Variants in PTPRT observed in about 807,000 individuals in gnomAD.
PTPRT encodes protein tyrosine phosphatase receptor type T.
A neutral mutation model predicts 176.8 loss-of-function variants in PTPRT; 56 were observed. That is an observed-to-expected ratio of 0.32 (90% confidence interval 0.26 to 0.40). PTPRT has a LOEUF of 0.40. PTPRT is among the 10% of genes least tolerant of loss of function. The pLI, the probability that PTPRT is intolerant of heterozygous loss-of-function variation, is 1.00. For missense variants in PTPRT, 1,540 were observed against 1,908.2 expected (o/e 0.81, Z 3.60); for synonymous variants, 783 against 739.0 (o/e 1.06, Z -0.96).
At chr20:42,352,592 G>T (rs2213629) in intron 9 of PTPRT, among the ~76,000 whole-genome samples, 1 of 152,146 alleles carries the variant, frequency 6.6e-6, no homozygotes, top group African/African-American at 2.4e-5. Context: ...GGGCAGTACC[G>T]GGTGGGGGGA....
chr20:42,109,338 G>GA (rs941055447), intron 23 of PTPRT, among the ~76,000 whole-genome samples: 1 of 152,126 alleles, frequency 6.6e-6, no homozygotes, highest in African/African-American at 2.4e-5. Flanking sequence ...GAAGGAGGGG[G>GA]ATGCCAGCTG....
At chr20:42,684,698 C>G (rs2425520) in intron 6 of PTPRT, among the ~76,000 whole-genome samples, 59,635 of 151,960 alleles carry the variant, frequency 0.39, 13,589 homozygotes, top group African/African-American at 0.64. Flanking sequence ...GATGAGACTT[C>G]AGCTTAAGTA....
In PTPRT at chr20:42,104,570, T is replaced by A. The variant is rs1447196342; in HGVS notation, c.3539A>T (p.Gln1180Leu). 3 of 1,612,308 alleles carry A rather than the reference T, an allele frequency of 1.9e-6. No homozygotes were observed. Among genetic ancestry groups the A allele is most frequent in the African/African-American group, 2.7e-5 (2 of 75,016 alleles). Residue 1180 changes from glutamine (Q) to leucine (L), a missense_variant and splice_region_variant, in exon 25 of 31, where the codon CAG (glutamine) becomes CTG (leucine). Coordinates refer to ENST00000373187, the MANE Select transcript of PTPRT (RefSeq NM_007050.6). Reference protein sequence around the residue: ...TNSSQIKDEFQTLNIVTPRVR... With the variant: ...TNSSQIKDEFLTLNIVTPRVR... ...ACCGAGCCTGGGATTTGCTCATACC[T>A]GAAATTCATCTTTGATTTGGCTGGA...
In PTPRT at chr20:42,161,536, C is replaced by T. The variant is rs1393395259; in HGVS notation, c.2498G>A (p.Gly833Asp). 2 of 1,604,678 alleles carry T rather than the reference C, an allele frequency of 1.2e-6. No homozygotes were observed. The highest frequency in any genetic ancestry group is 1.1e-5 in the South Asian group (1 of 89,084). ...GGGCTGGGAAAGCTCCCCGCGGCTG[C>T]CATCTGCTTCGAAAAGAAGGAGGCA... The part of the protein sequence containing the change: ...SSQDVNGFTD[G>D]SRGELSQPTL... Residue 833 changes from glycine (G) to aspartate (D), a missense_variant, in exon 17 of 31, where the codon GGC (glycine) becomes GAC (aspartate). Physicochemically the swap from Gly to Asp is moderately conservative, Grantham distance 94 (BLOSUM62 -1). Around this residue, in one of 11 missense-constraint regions of PTPRT, gnomAD observed 255 missense variants for 250.1 expected, o/e 1.02. Coordinates refer to ENST00000373187, the MANE Select transcript of PTPRT (RefSeq NM_007050.6).
intron 12 of PTPRT, among the ~76,000 whole-genome samples, chr20:42,312,820 T>C (rs1375742997): frequency 6.6e-6 from 1 of 150,566 alleles, no homozygotes; most frequent in Admixed American, 6.6e-5. Flanking sequence ...TTTTTTTTTT[T>C]TTTTCCTCTA....
chr20:42,206,750 G>C (rs2055477790), intron 15 of PTPRT, among the ~76,000 whole-genome samples: 1 of 152,276 alleles, frequency 6.6e-6, no homozygotes, highest in Admixed American at 6.5e-5. Flanking sequence ...AAACAAAGCA[G>C]CCCGGAAGCT....
intron 2 of PTPRT, among the ~76,000 whole-genome samples, chr20:42,804,178 C>T (rs1243663768): frequency 1.3e-5 from 2 of 152,132 alleles, no homozygotes; most frequent in Non-Finnish European, 2.9e-5. Flanking sequence ...CCTGAACCCA[C>T]TCTTCCCCTT....
At chr20:42,150,758 G>A (rs1358200264) in intron 17 of PTPRT, among the ~76,000 whole-genome samples, 1 of 152,144 alleles carries the variant, frequency 6.6e-6, no homozygotes. Context: ...GTTATGGGTG[G>A]GGAAGGATTT....
chr20:43,021,810 GAA>G (rs3092422), intron 1 of PTPRT, among the ~76,000 whole-genome samples: 32 of 142,804 alleles, frequency 2.2e-4, no homozygotes, highest in African/African-American at 7.7e-4. Context: ...GGAGATACAG[GAA>G]AAAAAAAAAA....
intron 1 of PTPRT, among the ~76,000 whole-genome samples, chr20:43,094,083 C>G (rs1247813805): frequency 7.2e-6 from 1 of 138,674 alleles, no homozygotes; most frequent in African/African-American, 2.9e-5. Context: ...TTTTTTCTTT[C>G]TTTCTTTCTT....
chr20:42,565,057 T>A (rs2073015725), intron 7 of PTPRT, among the ~76,000 whole-genome samples: 1 of 152,078 alleles, frequency 6.6e-6, no homozygotes, highest in Non-Finnish European at 1.5e-5. Context: ...CTGCAATTAG[T>A]GCCCTGGTGT....
chr20:42,204,448 T>C (rs1302275740), intron 15 of PTPRT, among the ~76,000 whole-genome samples: 1 of 152,186 alleles, frequency 6.6e-6, no homozygotes, highest in African/African-American at 2.4e-5. Context: ...GCCAACTGGG[T>C]CACACAATTT....
chr20:42,610,666 T>G (rs966505821), intron 7 of PTPRT, among the ~76,000 whole-genome samples: 1 of 152,178 alleles, frequency 6.6e-6, no homozygotes, highest in Non-Finnish European at 1.5e-5. Context: ...TTTCTGTTGT[T>G]GTTGTGGGGG....
chr20:42,961,015 T>C (rs1981955014), intron 1 of PTPRT, among the ~76,000 whole-genome samples: 2 of 152,162 alleles, frequency 1.3e-5, no homozygotes, highest in South Asian at 4.1e-4. Context: ...TTTCAGACTA[T>C]CTGTTTTGTG....
intron 9 of PTPRT, among the ~76,000 whole-genome samples, chr20:42,391,700 G>A (rs1368467069): frequency 6.6e-6 from 1 of 152,170 alleles, no homozygotes; most frequent in Non-Finnish European, 1.5e-5. Flanking sequence ...AGCCACAATG[G>A]TGAAAGACAA....
At chr20:42,058,717 G>T in the PTPRT span, among the ~76,000 whole-genome samples, 7 of 152,280 alleles carry the variant, frequency 4.6e-5, no homozygotes, top group East Asian at 1.4e-3. Context: ...TTCTCCAAAC[G>T]AATGGCCTTT....
intron 7 of PTPRT, among the ~76,000 whole-genome samples, chr20:42,605,902 G>A (rs115664936): frequency 1.2e-3 from 184 of 152,278 alleles, no homozygotes; most frequent in African/African-American, 4.2e-3. Context: ...TAGATGTGGC[G>A]CAAGACCCAG....
At position 42,673,096 on chromosome 20, in the gene PTPRT, T is replaced by C. The variant is rs145282511; in HGVS notation, c.1153+4770A>G. Reference sequence around the variant, plus strand: ...CCAATGCCACTCTCAAGAGGACACTTGTGGGCAGAGGAGGTCCCCAGGGCT... The same window carrying C: ...CCAATGCCACTCTCAAGAGGACACTCGTGGGCAGAGGAGGTCCCCAGGGCT... On this transcript the variant is annotated intron_variant, in intron 7 of 30. Coordinates refer to ENST00000373187, the MANE Select transcript of PTPRT (RefSeq NM_007050.6). 1.2e-3 allele frequency among the ~76,000 whole-genome samples: 183 copies of C among 152,314 alleles called. 1 individual carries two copies. The highest frequency in any genetic ancestry group is 2.0e-3 in the Admixed American group (30 of 15,308).
chr20:42,264,318 G>A lies in PTPRT; in HGVS notation c.2177-15496C>T, dbSNP rs191244299. Among the ~76,000 whole-genome samples the A allele has an allele frequency of 2.1e-4, 32 of 152,212 alleles. No homozygotes were observed. The East Asian group carries it at 5.4e-3, about 26-fold the overall frequency. ...AAGTCTTTTGATTCAGTGGGGAGAC[G>A]GGCAACAGAAAATGGCAGCTCAAAT... On this transcript the variant is annotated intron_variant, in intron 13 of 30. Transcript: ENST00000373187.
Sources: gnomAD v4.1 joint callset for allele counts (sites outside exome capture counted in the v4.1 genomes callset) on GRCh38, gnomAD v4.1.1 for gene constraint, gnomAD v4.1.1 regional missense constraint, MANE v1.5 for transcripts, NCBI Gene and HGNC (gene_info 2026-07-23, HGNC 2026-07-21) for gene names.